The following AK8 variants were observed in gnomAD, a reference collection of about 807,000 sequenced individuals.
AK8 encodes the protein ATP-AMP transphosphorylase 8.
A neutral mutation model predicts 54.6 loss-of-function variants in AK8; 44 were observed. The observed-to-expected ratio is 0.81, with a 90% CI of 0.63 to 1.04. AK8 has a LOEUF of 1.04. Among genes scored for constraint, AK8 ranks in the 50% least tolerant of loss-of-function variants. The pLI is 0.00. For synonymous variants in AK8, 239 were observed against 245.6 expected, an observed-to-expected ratio of 0.97 and a Z score of 0.25; for missense variants, 555 against 613.6, an observed-to-expected ratio of 0.90 and a Z score of 1.01.
intron 5 of AK8, among the ~76,000 whole-genome samples, chr9:132,839,219 C>T (rs1370212749): frequency 3.9e-5 from 6 of 152,230 alleles, no homozygotes. Flanking sequence ...GCTGGGATTA[C>T]AGGCGTGAGC....
chr9:132,875,018 A>T, intron 2 of AK8, 97 bp downstream of exon 2: 1 of 1,470,702 alleles, frequency 6.8e-7, no homozygotes, highest in East Asian at 2.3e-5. Flanking sequence ...GTTCCTGGAG[A>T]GGAAGAGGAG....
At chr9:132,804,068 T>C (rs1026265570) in intron 10 of AK8, among the ~76,000 whole-genome samples, 3 of 138,554 alleles carry the variant, frequency 2.2e-5, no homozygotes, top group Non-Finnish European at 3.0e-5. Flanking sequence ...ATCGCGCCAC[T>C]GCGATCCAGC....
At chr9:132,875,717 T>A (rs1001253055) in intron 1 of AK8, among the ~76,000 whole-genome samples, 1 of 152,226 alleles carries the variant, frequency 6.6e-6, no homozygotes, top group African/African-American at 2.4e-5. Context: ...CGCCTCACCC[T>A]GTCCCTACTC....
Position 132,757,788 on chromosome 9 carries a change from C to T in AK8, c.1122-30254G>A, listed in dbSNP as rs192906000. Among the ~76,000 whole-genome samples the T allele has an allele frequency of 8.5e-5, 13 of 152,214 alleles. No homozygotes were observed. In the East Asian group the frequency reaches 1.3e-3, roughly 16 times the overall value. ...TATCTGTCTATCAAAATAGAACTGC[C>T]GTGGGTAATATAGCCATTCCTGAAA... On this transcript the variant is annotated intron_variant, in intron 11 of 12. Transcript: ENST00000298545.
At position 132,866,956 on chromosome 9, in the gene AK8, G is replaced by A. The variant is rs1843625314; in HGVS notation, c.170-3C>T. 2 of 1,613,878 alleles carry A rather than the reference G, an allele frequency of 1.2e-6. No individual in the cohort carries two copies. The highest frequency in any genetic ancestry group is 1.7e-6 in the Non-Finnish European group (2 of 1,179,940). On this transcript the variant is annotated splice_polypyrimidine_tract_variant and splice_region_variant and intron_variant, in intron 2 of 12. Coordinates refer to ENST00000298545, the MANE Select transcript of AK8 (RefSeq NM_152572.3). The stretch of plus-strand genomic sequence containing the variant: ...ACCTAATATTACAATCCTGGGCACT[G>A]TGGAATAAAAAGATTTGAATGTCAC...
intron 11 of AK8, among the ~76,000 whole-genome samples, chr9:132,741,487 C>T (rs1455024972): frequency 6.6e-6 from 1 of 152,188 alleles, no homozygotes; most frequent in Non-Finnish European, 1.5e-5. Context: ...CCAAAAACAG[C>T]TGGGTTGGTG....
chr9:132,786,034 G>C (rs1184873053), intron 11 of AK8, among the ~76,000 whole-genome samples: 1 of 152,190 alleles, frequency 6.6e-6, no homozygotes, highest in African/African-American at 2.4e-5. Flanking sequence ...CAAAGGTTTC[G>C]ATGCTGGAAA....
At chr9:132,747,188 T>A (rs58310531) in intron 11 of AK8, among the ~76,000 whole-genome samples, 5,677 of 152,336 alleles carry the variant, frequency 0.037, 357 homozygotes, top group African/African-American at 0.13. Context: ...GTTGCCAGGC[T>A]GGAGTGCAGT....
At chr9:132,841,989 A>G (rs1484320253) in intron 5 of AK8, among the ~76,000 whole-genome samples, 1 of 152,114 alleles carries the variant, frequency 6.6e-6, no homozygotes, top group African/African-American at 2.4e-5. Context: ...AACTTTCTCA[A>G]GGTGTAGGAG....
chr9:132,747,397 C>T lies in AK8; in HGVS notation c.1122-19863G>A, dbSNP rs560798982. ...CTCAATCTCTTGACCTCATGATCTC[C>T]CCACCTTGGCCTCCCAAAGTGCTGG... On this transcript the variant is annotated intron_variant, in intron 11 of 12. Coordinates refer to ENST00000298545, the MANE Select transcript of AK8 (RefSeq NM_152572.3). Among the ~76,000 whole-genome samples, 9 of 151,864 alleles carry T rather than the reference C, an allele frequency of 5.9e-5. No individual in the cohort carries two copies. In the South Asian group the frequency reaches 1.9e-3, roughly 32 times the overall value.
At chr9:132,778,052 G>A (rs1046528190) in intron 11 of AK8, among the ~76,000 whole-genome samples, 1 of 152,222 alleles carries the variant, frequency 6.6e-6, no homozygotes, top group African/African-American at 2.4e-5. Flanking sequence ...ATGATGTCAG[G>A]TCCTGTTGCA....
chr9:132,869,317 C>A (rs1196078374), intron 2 of AK8, among the ~76,000 whole-genome samples: 1 of 152,242 alleles, frequency 6.6e-6, no homozygotes, highest in Non-Finnish European at 1.5e-5. Context: ...GCAAGGCCAC[C>A]AAATGGGCTG....
At chr9:132,751,271 C>T (rs1254232573) in intron 11 of AK8, among the ~76,000 whole-genome samples, 2 of 150,660 alleles carry the variant, frequency 1.3e-5, no homozygotes, top group Non-Finnish European at 3.0e-5. Flanking sequence ...GTAATCCCAG[C>T]TACTCAGGAG....
At chr9:132,776,045 T>C (rs1839202500) in intron 11 of AK8, among the ~76,000 whole-genome samples, 1 of 152,236 alleles carries the variant, frequency 6.6e-6, no homozygotes, top group African/African-American at 2.4e-5. Flanking sequence ...CGGCCTCTCC[T>C]GCATTTGCCC....
intron 11 of AK8, among the ~76,000 whole-genome samples, chr9:132,732,222 A>G (rs956375176): frequency 6.6e-6 from 1 of 152,122 alleles, no homozygotes; most frequent in Non-Finnish European, 1.5e-5. Flanking sequence ...TTTTTCCACA[A>G]TTATATTTTT....
At chr9:132,849,849 G>A (rs1323148059) in intron 5 of AK8, among the ~76,000 whole-genome samples, 2 of 151,730 alleles carry the variant, frequency 1.3e-5, no homozygotes, top group Admixed American at 6.6e-5. Context: ...AGGTTCAAGC[G>A]ATTCTCCTGC....
chr9:132,876,125 C>A (rs1012815352), intron 1 of AK8, among the ~76,000 whole-genome samples: 2 of 152,074 alleles, frequency 1.3e-5, no homozygotes, highest in East Asian at 3.9e-4. Flanking sequence ...AGGGAAAGAG[C>A]ACCGAGCCAT....
At chr9:132,854,486 G>C (rs890453546) in intron 5 of AK8, among the ~76,000 whole-genome samples, 2 of 152,204 alleles carry the variant, frequency 1.3e-5, no homozygotes, top group Admixed American at 6.5e-5. Flanking sequence ...AAGGATAGGA[G>C]GCGAGAGTCT....
chr9:132,725,752 G>A lies in AK8; in HGVS notation c.1376C>T (p.Pro459Leu). Residue 459 changes from proline to leucine, a missense_variant, in exon 13 of 13, where the codon CCA becomes CTA. Coordinates refer to ENST00000298545, the MANE Select transcript of AK8 (RefSeq NM_152572.3). ...SAITLNGDQD[P>L]YTVFEYIESG... ...CTCGATGTATTCGAAGACTGTGTATGGGTCCTGGTCCCCATTGAGGGTGAT... is the reference window on the plus strand; with the variant it reads ...CTCGATGTATTCGAAGACTGTGTATAGGTCCTGGTCCCCATTGAGGGTGAT... 1 of 1,595,290 alleles carries A rather than the reference G, an allele frequency of 6.3e-7. No homozygotes were observed. Among genetic ancestry groups the A allele is most frequent in the Middle Eastern group, 1.7e-4 (1 of 6,006 alleles).
Sources: gnomAD v4.1 joint callset for allele counts (sites outside exome capture counted in the v4.1 genomes callset) on GRCh38, gnomAD v4.1.1 for gene constraint, MANE v1.5 for transcripts, NCBI Gene and HGNC (gene_info 2026-07-23, HGNC 2026-07-21) for gene names.